Variants in QTMAN observed in about 807,000 individuals in gnomAD.
QTMAN encodes the protein queuosine-tRNA mannosyltransferase.
the QTMAN span, among the ~76,000 whole-genome samples, chr2:144,125,940 T>G: frequency 6.6e-6 from 1 of 151,814 alleles, no homozygotes; most frequent in Non-Finnish European, 1.5e-5. Context: ...AGAAAAACAG[T>G]GAAGAGAAAA....
chr2:144,058,389 A>C, the QTMAN span, among the ~76,000 whole-genome samples: 1 of 152,054 alleles, frequency 6.6e-6, no homozygotes, highest in Admixed American at 6.5e-5. Flanking sequence ...AATAAAATAA[A>C]ATAAATTTAA....
chr2:144,069,348 A>AT, the QTMAN span, among the ~76,000 whole-genome samples: 2 of 151,748 alleles, frequency 1.3e-5, no homozygotes, highest in African/African-American at 4.8e-5. Context: ...TGACTTCTCC[A>AT]TTCTCAAACA....
At chr2:144,058,131 T>G in the QTMAN span, among the ~76,000 whole-genome samples, 1 of 49,086 alleles carries the variant, frequency 2.0e-5, no homozygotes, top group East Asian at 9.8e-4. Context: ...CCCACCCCGC[T>G]AAACACACAC....
At chr2:144,102,629 G>T in the QTMAN span, among the ~76,000 whole-genome samples, 2 of 152,260 alleles carry the variant, frequency 1.3e-5, no homozygotes, top group African/African-American at 2.4e-5. Flanking sequence ...CTTCCAGACA[G>T]CAGCACATTC....
the QTMAN span, chr2:143,941,806 G>A: frequency 6.6e-6 from 1 of 152,272 alleles, no homozygotes; most frequent in African/African-American, 2.4e-5. Context: ...GAAATAGAAG[G>A]GAACTAGGGG....
At chr2:144,069,610 T>A in the QTMAN span, among the ~76,000 whole-genome samples, 1 of 152,078 alleles carries the variant, frequency 6.6e-6, no homozygotes, top group Non-Finnish European at 1.5e-5. Context: ...CAAATGTGAC[T>A]GATTTCCTTT....
At chr2:143,949,633 A>C in the QTMAN span, among the ~76,000 whole-genome samples, 1 of 151,910 alleles carries the variant, frequency 6.6e-6, no homozygotes, top group African/African-American at 2.4e-5. Flanking sequence ...CAATGAAATA[A>C]ATCTAAAAAT....
chr2:144,036,728 T>C, the QTMAN span, among the ~76,000 whole-genome samples: 237 of 152,324 alleles, frequency 1.6e-3, 1 homozygote, highest in Non-Finnish European at 2.8e-3. Flanking sequence ...AGAACCTTAA[T>C]GGCAGGTTGG....
the QTMAN span, among the ~76,000 whole-genome samples, chr2:144,287,647 C>T: frequency 1.1e-3 from 170 of 152,206 alleles, no homozygotes; most frequent in African/African-American, 4.1e-3. Flanking sequence ...AAACCTAGAT[C>T]TATCTCAGCT....
chr2:144,304,188 A>G, the QTMAN span, among the ~76,000 whole-genome samples: 1 of 152,246 alleles, frequency 6.6e-6, no homozygotes, highest in Non-Finnish European at 1.5e-5. Flanking sequence ...GACCATGCAC[A>G]GCATTCAGCA....
the QTMAN span, among the ~76,000 whole-genome samples, chr2:144,147,751 T>A: frequency 6.6e-6 from 1 of 151,824 alleles, no homozygotes; most frequent in Admixed American, 6.6e-5. Flanking sequence ...GATGGGGAAA[T>A]CTGGTAGAAA....
the QTMAN span, among the ~76,000 whole-genome samples, chr2:144,160,358 C>T: frequency 6.6e-6 from 1 of 151,996 alleles, no homozygotes; most frequent in African/African-American, 2.4e-5. Flanking sequence ...ATAATATTAT[C>T]CTTTATACTT....
At chr2:144,260,226 T>C in the QTMAN span, among the ~76,000 whole-genome samples, 56 of 152,274 alleles carry the variant, frequency 3.7e-4, no homozygotes, top group Admixed American at 2.4e-3. Flanking sequence ...TCATTTCTGT[T>C]CAAATGAAAT....
the QTMAN span, among the ~76,000 whole-genome samples, chr2:143,961,745 T>C: frequency 3.3e-5 from 5 of 152,074 alleles, no homozygotes; most frequent in African/African-American, 1.2e-4. Flanking sequence ...CTGGTTTCAG[T>C]AGAAAAGATT....
chr2:144,149,404 C>T, the QTMAN span, among the ~76,000 whole-genome samples: 1 of 151,938 alleles, frequency 6.6e-6, no homozygotes, highest in Non-Finnish European at 1.5e-5. Flanking sequence ...AGCAGTTGAG[C>T]AATCTTTCAC....
chr2:144,003,571 G>A, the QTMAN span, among the ~76,000 whole-genome samples: 2 of 151,978 alleles, frequency 1.3e-5, no homozygotes, highest in African/African-American at 2.4e-5. Context: ...ACTCTGCAGA[G>A]AACCCAGCAA....
the QTMAN span, among the ~76,000 whole-genome samples, chr2:144,275,437 T>C: frequency 2.0e-5 from 3 of 152,026 alleles, no homozygotes; most frequent in Non-Finnish European, 4.4e-5. Context: ...CTAAGCCCTC[T>C]TCCCTGTCAG....
chr2:144,177,746 T>A, the QTMAN span, among the ~76,000 whole-genome samples: 1 of 152,194 alleles, frequency 6.6e-6, no homozygotes, highest in Non-Finnish European at 1.5e-5. Flanking sequence ...TGCTATCCAA[T>A]GCAAATGAGT....
chr2:144,187,964 G>A, the QTMAN span, among the ~76,000 whole-genome samples: 1 of 152,154 alleles, frequency 6.6e-6, no homozygotes, highest in Non-Finnish European at 1.5e-5. Flanking sequence ...GACAACAGAG[G>A]TAGAGACTGG....
Sources: allele counts gnomAD v4.1 joint callset (sites outside exome capture counted in the v4.1 genomes callset), GRCh38; gene constraint gnomAD v4.1.1; transcripts MANE v1.5; gene names NCBI Gene and HGNC (gene_info 2026-07-23, HGNC 2026-07-21).